C22orf31: variants seen among roughly 807,000 people sequenced by gnomAD.
C22orf31 encodes the protein uncharacterized protein C22orf31.
C22orf31 carries 11 observed loss-of-function variants against 15.0 expected under a neutral mutation model. That is an observed-to-expected ratio of 0.73 (90% CI 0.46 to 1.21). The LOEUF (loss-of-function observed/expected upper bound fraction) is 1.21. Among genes scored for constraint, C22orf31 ranks in the 50% most tolerant of loss-of-function variants. The pLI, the probability that C22orf31 is intolerant of heterozygous loss-of-function variation, is 0.00. For synonymous variants in C22orf31, 132 were observed against 133.3 expected (o/e 0.99, Z 0.07); for missense variants, 340 against 347.2 (o/e 0.98, Z 0.17).
chr22:29,068,166 C>G, the C22orf31 span, among the ~76,000 whole-genome samples: 4 of 148,586 alleles, frequency 2.7e-5, no homozygotes, highest in Admixed American at 6.8e-5. Flanking sequence ...ACTACAACTT[C>G]TGTCTCCCGG....
At position 29,059,080 on chromosome 22, in the gene C22orf31, C is replaced by T; in HGVS notation, c.535G>A (p.Gly179Arg). Residue 179 changes from glycine (G) to arginine (R), a missense_variant, in exon 3 of 3, where the codon GGG becomes AGG. Coordinates refer to ENST00000216071, the MANE Select transcript of C22orf31 (RefSeq NM_015370.2). ...ACTCGGCCCTTCCAGGCTGCTGTCC[C>T]ACTGTCCTGGGGTAGCGCTTGGGTG... ...AATQALPQDS[G>R]TAAWKGRVLL... is the part of the protein sequence containing the mutation. 6.2e-7 allele frequency: 1 copy of T among 1,614,224 alleles called. No homozygotes were observed. Among genetic ancestry groups the T allele is most frequent in the Non-Finnish European group, 8.5e-7 (1 of 1,180,036 alleles).
chr22:29,066,539 CTTTTTTTTTTTTTTTTTTTTTTTT>C (rs134565), upstream of C22orf31, among the ~76,000 whole-genome samples: 1 of 70,208 alleles, frequency 1.4e-5, no homozygotes, highest in Non-Finnish European at 2.6e-5. Flanking sequence ...CTTTTCTTTT[CTTTTTTTTTTTTTTTTTTTTTTTT>C]TTTTTTTTTT....
At chr22:29,070,596 A>C in the C22orf31 span, among the ~76,000 whole-genome samples, 1 of 152,146 alleles carries the variant, frequency 6.6e-6, no homozygotes, top group African/African-American at 2.4e-5. Context: ...ATCCTGCTTA[A>C]AGTAGTCCAA....
upstream of C22orf31, among the ~76,000 whole-genome samples, chr22:29,065,671 G>A (rs2037424507): frequency 6.6e-6 from 1 of 152,220 alleles, no homozygotes; most frequent in Admixed American, 6.5e-5. Context: ...AGATAAGGAA[G>A]TGGTTAGTCT....
chr22:29,067,434 T>G, the C22orf31 span, among the ~76,000 whole-genome samples: 1 of 151,894 alleles, frequency 6.6e-6, no homozygotes, highest in Non-Finnish European at 1.5e-5. Context: ...TTAATTTTCT[T>G]TTTTCTTCTC....
At chr22:29,061,893 TTTTAATA>T, upstream of C22orf31, 1 of 1,020,918 alleles carries the variant, frequency 9.8e-7, no homozygotes, top group Non-Finnish European at 1.4e-6. Context: ...TTTGTTTTTG[TTTTAATA>T]TTTCTAGTCA....
chr22:29,067,331 C>G, the C22orf31 span, among the ~76,000 whole-genome samples: 9 of 151,694 alleles, frequency 5.9e-5, 1 homozygote, highest in Non-Finnish European at 2.9e-5. Flanking sequence ...GAGGCACATA[C>G]TTCACTTGCC....
chr22:29,073,111 G>C, the C22orf31 span: 2 of 944,792 alleles, frequency 2.1e-6, no homozygotes, highest in Non-Finnish European at 2.5e-6. The surrounding 1 kb of genome is among the most constrained non-coding windows in gnomAD (Gnocchi z 4.4). Flanking sequence ...CCGCGCCCCG[G>C]GGCCCCGCAC....
At chr22:29,064,788 T>C (rs1048820366), upstream of C22orf31, among the ~76,000 whole-genome samples, 3 of 141,298 alleles carry the variant, frequency 2.1e-5, no homozygotes, top group African/African-American at 7.8e-5. Flanking sequence ...TGATCCTCCT[T>C]GGCCTCCCGA....
At chr22:29,067,626 C>A in the C22orf31 span, among the ~76,000 whole-genome samples, 1 of 151,824 alleles carries the variant, frequency 6.6e-6, no homozygotes, top group Non-Finnish European at 1.5e-5. Flanking sequence ...GTATTTTTAG[C>A]AGAACTGGGG....
chr22:29,061,441 T>C (rs941110975), intron 1 of C22orf31, among the ~76,000 whole-genome samples: 2 of 152,072 alleles, frequency 1.3e-5, no homozygotes, highest in African/African-American at 4.8e-5. Context: ...TGATGTTGTA[T>C]TTTTAGTAGA....
chr22:29,061,795 T>C lies in C22orf31; in HGVS notation c.-3A>G. On this transcript the variant is annotated 5_prime_UTR_variant, in exon 1 of 3. Transcript: ENST00000216071. ...TAGAAATAAAATCACCTTACCATAT[T>C]TCAGTTGCCTTAAATTTTATTTTCG... 1.3e-6 allele frequency: 2 copies of C among 1,547,714 alleles called. No individual in the cohort carries two copies. Among genetic ancestry groups the C allele is most frequent in the Middle Eastern group, 1.7e-4 (1 of 5,872 alleles).
chr22:29,073,106 C>T, the C22orf31 span: 4 of 885,650 alleles, frequency 4.5e-6, no homozygotes, highest in African/African-American at 1.8e-5. This position sits in a 1 kb window ranked among gnomAD's most constrained non-coding sequence, Gnocchi z 4.4. Flanking sequence ...CCGGGCCGCG[C>T]CCCGGGGCCC....
At chr22:29,059,996 C>G in intron 2 of C22orf31, 2 of 922,700 alleles carry the variant, frequency 2.2e-6, no homozygotes, top group Non-Finnish European at 2.6e-6. Context: ...ATTTCCTTCA[C>G]TTGGTATAGA....
At chr22:29,063,360 T>G (rs555619550), upstream of C22orf31, among the ~76,000 whole-genome samples, 1 of 152,206 alleles carries the variant, frequency 6.6e-6, no homozygotes, top group East Asian at 1.9e-4. Context: ...GAGATGAGTT[T>G]TCACCATGTT....
At chr22:29,066,696 G>T (rs2037434061), upstream of C22orf31, among the ~76,000 whole-genome samples, 1 of 151,218 alleles carries the variant, frequency 6.6e-6, no homozygotes, top group Admixed American at 6.6e-5. Context: ...GAGTAACTGG[G>T]ATTACAAGCA....
rs2123897476 is a variant in C22orf31 at position 29,059,203 on chromosome 22, G to C, written c.433-21C>G. The C allele has an allele frequency of 1.9e-6, 3 of 1,552,710 alleles. No homozygotes were observed. In the East Asian group the frequency reaches 6.7e-5, roughly 35 times the overall value. On this transcript the variant is annotated intron_variant, in intron 2 of 2. Coordinates refer to ENST00000216071, the MANE Select transcript of C22orf31 (RefSeq NM_015370.2). Reference sequence around the variant, plus strand: ...TTACTCTAGCCAGGAAGAAAGCAGAGAAGTCAAAGCTAAAACTTGAGAGGG... The same window carrying C: ...TTACTCTAGCCAGGAAGAAAGCAGACAAGTCAAAGCTAAAACTTGAGAGGG...
rs530107944 is a variant in C22orf31 at position 29,060,779 on chromosome 22, A to G, written c.68T>C (p.Leu23Ser). The change falls in exon 2 of 3, where the codon TTA (leucine) becomes TCA (serine). Residue 23 changes from leucine (L) to serine (S), a missense_variant. Leu to Ser is a moderately radical substitution (Grantham distance 145). Coordinates refer to ENST00000216071, the MANE Select transcript of C22orf31 (RefSeq NM_015370.2). ...PIYGLRQSIL[L>S]NTRLQDCYVD... ...ATAGCAGTCCTGAAGCCTGGTATTT[A>G]ATAAGATGGACTGTCGGAGTCCATA... is the stretch of plus-strand genomic sequence containing the variant. 1 of 1,614,066 alleles carries G rather than the reference A, an allele frequency of 6.2e-7. No individual in the cohort carries two copies. The highest frequency in any genetic ancestry group is 1.7e-5 in the Admixed American group (1 of 60,018).
At chr22:29,065,089 G>A (rs185729665), upstream of C22orf31, among the ~76,000 whole-genome samples, 442 of 152,044 alleles carry the variant, frequency 2.9e-3, 2 homozygotes, top group Admixed American at 3.9e-3. Flanking sequence ...TCCTGACCTC[G>A]TGATCTACCA....
Sources: gnomAD v4.1 joint callset for allele counts (sites outside exome capture counted in the v4.1 genomes callset) on GRCh38, gnomAD v4.1.1 for gene constraint, Gnocchi (gnomAD v3.1) non-coding constraint, MANE v1.5 for transcripts, NCBI Gene and HGNC (gene_info 2026-07-23, HGNC 2026-07-21) for gene names.